The following BICC1 variants were observed in gnomAD, a reference collection of about 807,000 sequenced individuals.
BICC1 encodes the protein protein bicaudal C homolog 1.
BICC1 carries 43 observed loss-of-function variants against 111.0 expected under a neutral mutation model. That is an observed-to-expected ratio of 0.39 (90% CI 0.30 to 0.50). The LOEUF (loss-of-function observed/expected upper bound fraction) is 0.50, where lower values mean the gene tolerates loss of function less well. Ranked by LOEUF, BICC1 falls within the 20% of genes least tolerant of loss-of-function variation. The pLI is 0.88. For synonymous variants in BICC1, 467 were observed against 434.4 expected, an observed-to-expected ratio of 1.07 and a Z score of -0.93; for missense variants, 1,091 against 1,203.2, an observed-to-expected ratio of 0.91 and a Z score of 1.38.
At chr10:58,516,809 C>T (rs943450427) in intron 1 of BICC1, among the ~76,000 whole-genome samples, 1 of 151,860 alleles carries the variant, frequency 6.6e-6, no homozygotes, top group African/African-American at 2.4e-5. Context: ...TAAATTAACT[C>T]AAAGTTATAA....
chr10:58,669,311 C>T (rs79821094), intron 2 of BICC1, among the ~76,000 whole-genome samples: 2,445 of 151,990 alleles, frequency 0.016, 92 homozygotes, highest in East Asian at 0.14. Context: ...TAACCTGATA[C>T]GTATACAGGA....
chr10:58,810,568 C>T (rs2132924574), intron 17 of BICC1, among the ~76,000 whole-genome samples: 1 of 152,114 alleles, frequency 6.6e-6, no homozygotes, highest in African/African-American at 2.4e-5. Flanking sequence ...AAGGGCCCCT[C>T]ACATAGCATG....
chr10:58,716,330 G>A, intron 3 of BICC1: 1 of 1,423,468 alleles, frequency 7.0e-7, no homozygotes, highest in South Asian at 1.4e-5. Context: ...AAAGTGCAAT[G>A]TCTGAGGAAA....
chr10:58,744,426 T>C (rs963978214), intron 3 of BICC1, among the ~76,000 whole-genome samples: 3 of 152,010 alleles, frequency 2.0e-5, no homozygotes, highest in Admixed American at 1.3e-4. Context: ...TTAAAAGATA[T>C]GATTTTTTTT....
chr10:58,806,730 CCT>C (rs1321970701), intron 16 of BICC1, 107 bp downstream of exon 16: 1 of 1,060,832 alleles, frequency 9.4e-7, no homozygotes, highest in Non-Finnish European at 1.4e-6. Context: ...GAAAAAGAAA[CCT>C]AGAATATTTG....
At chr10:58,693,930 C>T (rs1474776569) in intron 2 of BICC1, among the ~76,000 whole-genome samples, 4 of 152,108 alleles carry the variant, frequency 2.6e-5, no homozygotes, top group Non-Finnish European at 4.4e-5. Flanking sequence ...ACATGAAGTC[C>T]TTGACCATGC....
chr10:58,661,764 T>A (rs1838851769), intron 2 of BICC1, among the ~76,000 whole-genome samples: 1 of 152,142 alleles, frequency 6.6e-6, no homozygotes, highest in South Asian at 2.1e-4. Context: ...TTTAAGTAAA[T>A]TTTTACTTAA....
intron 2 of BICC1, among the ~76,000 whole-genome samples, chr10:58,657,091 T>C (rs1286036467): frequency 6.6e-6 from 1 of 152,142 alleles, no homozygotes; most frequent in Non-Finnish European, 1.5e-5. Flanking sequence ...CAAAATGAGC[T>C]GCTAGCTTCT....
At chr10:58,823,497 G>C (rs762362646) in intron 20 of BICC1, 3 of 983,994 alleles carry the variant, frequency 3.0e-6, no homozygotes, top group African/African-American at 3.5e-5. Context: ...AAACTGTATC[G>C]ATTAGGGTTG....
chr10:58,800,122 G>A, intron 12 of BICC1, 72 bp from the exon 13 acceptor site: 2 of 1,231,564 alleles, frequency 1.6e-6, no homozygotes, highest in Non-Finnish European at 2.3e-6. Flanking sequence ...TTATAAATGG[G>A]ATTGTGTTCT....
intron 2 of BICC1, among the ~76,000 whole-genome samples, chr10:58,660,774 C>T (rs1838818147): frequency 6.6e-6 from 1 of 152,164 alleles, no homozygotes; most frequent in Non-Finnish European, 1.5e-5. Flanking sequence ...TGCACCTCCT[C>T]AGGAGGAGAG....
At chr10:58,683,097 A>G (rs970744985) in intron 2 of BICC1, among the ~76,000 whole-genome samples, 13 of 152,206 alleles carry the variant, frequency 8.5e-5, no homozygotes, top group African/African-American at 3.1e-4. Flanking sequence ...AGCTTTCTAC[A>G]TATGGCTAGC....
intron 20 of BICC1, among the ~76,000 whole-genome samples, chr10:58,826,832 C>T (rs190105047): frequency 4.6e-4 from 70 of 152,244 alleles, no homozygotes; most frequent in Middle Eastern, 6.8e-3. Context: ...CTGTTTTGTG[C>T]GAATGCAGTC....
intron 1 of BICC1, among the ~76,000 whole-genome samples, chr10:58,602,961 C>T (rs973452836): frequency 1.3e-5 from 2 of 152,154 alleles, no homozygotes; most frequent in Non-Finnish European, 2.9e-5. Flanking sequence ...CACTGGACAC[C>T]TGCTGATTTA....
intron 2 of BICC1, among the ~76,000 whole-genome samples, chr10:58,643,843 C>T (rs375384489): frequency 1.3e-5 from 2 of 152,266 alleles, no homozygotes; most frequent in South Asian, 4.2e-4. Context: ...TTTATTGCTA[C>T]AGGAACCTTG....
At chr10:58,716,160 G>A in intron 3 of BICC1, 1 of 1,501,892 alleles carries the variant, frequency 6.7e-7, no homozygotes, top group Non-Finnish European at 9.1e-7. Context: ...ATATTGAGGA[G>A]GTGCGAGCAA....
intron 1 of BICC1, among the ~76,000 whole-genome samples, chr10:58,530,131 A>G (rs997193594): frequency 6.6e-6 from 1 of 151,788 alleles, no homozygotes; most frequent in Admixed American, 6.6e-5. Context: ...ACGTATCTGT[A>G]TTTTTTAACA....
At chr10:58,560,440 G>A (rs185067522) in intron 1 of BICC1, among the ~76,000 whole-genome samples, 10 of 147,272 alleles carry the variant, frequency 6.8e-5, no homozygotes, top group Admixed American at 4.7e-4. Context: ...GTTTATTCGG[G>A]TATTCTCTCT....
At chr10:58,656,549 G>A (rs900338680) in intron 2 of BICC1, among the ~76,000 whole-genome samples, 38 of 149,654 alleles carry the variant, frequency 2.5e-4, no homozygotes, top group East Asian at 5.9e-4. Flanking sequence ...TTCAATATAC[G>A]CAAATCAATA....
Sources: gnomAD v4.1 joint callset for allele counts (sites outside exome capture counted in the v4.1 genomes callset) on GRCh38, gnomAD v4.1.1 for gene constraint, MANE v1.5 for transcripts, NCBI Gene and HGNC (gene_info 2026-07-23, HGNC 2026-07-21) for gene names.